The following COP1 variants were observed in gnomAD, a reference collection of about 807,000 sequenced individuals.
COP1 encodes E3 ubiquitin-protein ligase COP1.
Under a neutral mutation model 101.3 loss-of-function variants are expected in COP1, and 24 were observed. That is an observed-to-expected ratio of 0.24 (90% confidence interval 0.17 to 0.33). COP1 has a LOEUF of 0.33. COP1 is among the 10% of genes least tolerant of loss of function. The probability of loss-of-function intolerance (pLI) is 1.00; values close to 1 mark genes in which losing one functional copy is unlikely to be tolerated. For synonymous variants in COP1, 347 were observed against 341.9 expected (o/e 1.01, Z -0.17); for missense variants, 663 against 906.2 (o/e 0.73, Z 3.45).
intron 9 of COP1, among the ~76,000 whole-genome samples, chr1:176,109,157 G>C (rs1437066385): frequency 6.6e-6 from 1 of 151,988 alleles, no homozygotes; most frequent in Non-Finnish European, 1.5e-5. Context: ...TTAATATTTT[G>C]AAGCAATTAA....
intron 1 of COP1, among the ~76,000 whole-genome samples, chr1:176,202,628 T>G (rs755629071): frequency 6.6e-6 from 1 of 150,702 alleles, no homozygotes; most frequent in Non-Finnish European, 1.5e-5. Context: ...AGCCCAGGAG[T>G]TTGAGACTAG....
chr1:175,993,313 T>C (rs1245787344), intron 15 of COP1, among the ~76,000 whole-genome samples: 3 of 152,070 alleles, frequency 2.0e-5, no homozygotes, highest in African/African-American at 4.8e-5. Context: ...GCAGAAAAAC[T>C]GGAAACTCTA....
intron 18 of COP1, among the ~76,000 whole-genome samples, chr1:175,950,569 C>T (rs1649760228): frequency 6.6e-6 from 1 of 152,118 alleles, no homozygotes; most frequent in African/African-American, 2.4e-5. Flanking sequence ...CTAGGGCCTA[C>T]TATAAATAAG....
intron 1 of COP1, among the ~76,000 whole-genome samples, chr1:176,196,906 GAAGA>G (rs1411094261): frequency 7.2e-6 from 1 of 139,608 alleles, no homozygotes; most frequent in African/African-American, 2.6e-5. Flanking sequence ...GAAAAAGAAA[GAAGA>G]AAGAGAAAGA....
intron 5 of COP1, among the ~76,000 whole-genome samples, chr1:176,158,074 A>G (rs1307256003): frequency 1.3e-5 from 2 of 152,128 alleles, no homozygotes; most frequent in Non-Finnish European, 2.9e-5. Context: ...CAAAGAACCC[A>G]ATAACAAAAA....
At chr1:176,188,830 T>A (rs1047265221) in intron 1 of COP1, among the ~76,000 whole-genome samples, 1 of 87,118 alleles carries the variant, frequency 1.1e-5, no homozygotes, top group East Asian at 4.6e-4. Context: ...ACAAAACACA[T>A]AGATACACAC....
chr1:176,207,058 G>C lies in COP1; in HGVS notation c.-80C>G. The stretch of plus-strand genomic sequence containing the variant: ...CCCTCCGCCGCCTCCCCTCCCCTCA[G>C]CCTCAGTGCATCCTGAGGACGCCCG... On this transcript the variant is annotated 5_prime_UTR_variant, in exon 1 of 20. Coordinates refer to ENST00000367669, the MANE Select transcript of COP1 (RefSeq NM_022457.7). 2 of 1,199,094 alleles carry C rather than the reference G, an allele frequency of 1.7e-6. No individual in the cohort carries two copies. The highest frequency in any genetic ancestry group is 4.1e-5 in the South Asian group (2 of 49,112). The allele number at this position is 1,199,094 out of a possible 1,614,324, so 74.3% of individuals were successfully genotyped here.
intron 15 of COP1, among the ~76,000 whole-genome samples, chr1:176,001,733 C>A (rs1191620871): frequency 6.6e-6 from 1 of 152,046 alleles, no homozygotes; most frequent in Non-Finnish European, 1.5e-5. Context: ...AGTCTAGTAT[C>A]CCTTTATTTC....
At chr1:176,036,433 A>G (rs1669551635) in intron 14 of COP1, among the ~76,000 whole-genome samples, 1 of 151,692 alleles carries the variant, frequency 6.6e-6, no homozygotes, top group Non-Finnish European at 1.5e-5. Flanking sequence ...GACACAAAAT[A>G]CCAATTATCA....
At chr1:175,994,306 C>T (rs918559077) in intron 15 of COP1, among the ~76,000 whole-genome samples, 4 of 152,104 alleles carry the variant, frequency 2.6e-5, no homozygotes, top group Admixed American at 6.6e-5. Flanking sequence ...AATTGTAAAG[C>T]CCATCGAGGC....
intron 14 of COP1, among the ~76,000 whole-genome samples, chr1:176,037,424 G>GA (rs933916438): frequency 3.9e-4 from 52 of 133,886 alleles, no homozygotes; most frequent in South Asian, 4.8e-4. Flanking sequence ...AAAAGTATAA[G>GA]AAAAAAAAAA....
At chr1:176,149,317 T>C (rs1224101659) in intron 5 of COP1, among the ~76,000 whole-genome samples, 1 of 152,092 alleles carries the variant, frequency 6.6e-6, no homozygotes, top group Non-Finnish European at 1.5e-5. Flanking sequence ...TCTAACATGC[T>C]GAAAAATCTT....
chr1:176,073,370 A>G (rs1264560738), intron 11 of COP1, among the ~76,000 whole-genome samples: 4 of 152,210 alleles, frequency 2.6e-5, no homozygotes, highest in African/African-American at 9.6e-5. Flanking sequence ...AAGTAAAAAT[A>G]TTGAAAAACT....
At chr1:176,151,416 A>G (rs866911568) in intron 5 of COP1, among the ~76,000 whole-genome samples, 1 of 147,916 alleles carries the variant, frequency 6.8e-6, no homozygotes, top group African/African-American at 2.5e-5. Context: ...AAAGAAAGAA[A>G]GAAACATATT....
At chr1:176,196,787 C>T (rs115605077) in intron 1 of COP1, among the ~76,000 whole-genome samples, 6 of 151,994 alleles carry the variant, frequency 3.9e-5, no homozygotes, top group African/African-American at 1.4e-4. Flanking sequence ...TGCCTATAAT[C>T]CCAGCACTTT....
intron 7 of COP1, 129 bp downstream of exon 7, chr1:176,136,359 T>G: frequency 2.2e-6 from 1 of 457,602 alleles, no homozygotes; most frequent in Non-Finnish European, 3.9e-6. Context: ...TCAATTGAAA[T>G]GAAAGTAACA....
chr1:176,081,186 T>C lies in COP1; in HGVS notation c.1243A>G (p.Ser415Gly). 1 of 1,610,222 alleles carries C rather than the reference T, an allele frequency of 6.2e-7. No individual in the cohort carries two copies. Among genetic ancestry groups the C allele is most frequent in the Non-Finnish European group, 8.5e-7 (1 of 1,177,706 alleles). The change falls in exon 11 of 20, where the codon AGT becomes GGT. Residue 415 changes from serine to glycine, a missense_variant. Physicochemically the swap from Ser to Gly is moderately conservative, Grantham distance 56 (BLOSUM62 0). Coordinates refer to ENST00000367669, the MANE Select transcript of COP1 (RefSeq NM_022457.7). ...ATACTGGAACCATTATAGAGATCAC[T>C]AGCATATGACAATGTGGCTAAAGGT... The part of the protein sequence containing the change: ...VRPLATLSYA[S>G]DLYNGSSIVS...
intron 15 of COP1, among the ~76,000 whole-genome samples, chr1:176,023,863 C>T (rs926132382): frequency 1.3e-5 from 2 of 152,054 alleles, no homozygotes; most frequent in Non-Finnish European, 2.9e-5. Context: ...GAAAATAATG[C>T]CAATTCTTCA....
chr1:176,006,727 C>G (rs1354724097), intron 15 of COP1, among the ~76,000 whole-genome samples: 3 of 152,196 alleles, frequency 2.0e-5, no homozygotes, highest in Non-Finnish European at 4.4e-5. Context: ...CGCTGTTAGT[C>G]TGATGGTCTT....
Sources: gnomAD v4.1 joint callset for allele counts (sites outside exome capture counted in the v4.1 genomes callset) on GRCh38, gnomAD v4.1.1 for gene constraint, MANE v1.5 for transcripts, NCBI Gene and HGNC (gene_info 2026-07-23, HGNC 2026-07-21) for gene names.